Variants in LMO7 observed in about 807,000 individuals in gnomAD.
LMO7 encodes the protein LIM domain only protein 7.
In LMO7, 120 loss-of-function variants were observed where a neutral mutation model predicts 206.5. The observed-to-expected ratio is 0.58, with a 90% CI of 0.50 to 0.68. The LOEUF (loss-of-function observed/expected upper bound fraction) is 0.68. Among genes scored for constraint, LMO7 ranks in the 30% least tolerant of loss-of-function variants. The pLI, the probability that LMO7 is intolerant of heterozygous loss-of-function variation, is 0.00. For missense variants in LMO7, 1,959 were observed against 1,957.9 expected (o/e 1.00, Z -0.01); for synonymous variants, 706 against 681.5 (o/e 1.04, Z -0.56).
At chr13:75,644,710 C>G (rs1209431905) in intron 1 of LMO7, among the ~76,000 whole-genome samples, 1 of 152,098 alleles carries the variant, frequency 6.6e-6, no homozygotes, top group African/African-American at 2.4e-5. Context: ...CTCACTGCAG[C>G]CTTGAACTCC....
chr13:75,707,208 T>C lies in LMO7; in HGVS notation c.70-5974T>C, dbSNP rs377616931. 3.3e-5 allele frequency among the ~76,000 whole-genome samples: 5 copies of C among 151,814 alleles called. No individual in the cohort carries two copies. In the East Asian group the frequency reaches 9.6e-4, roughly 29 times the overall value. ...TAAAGAATATAAACAAAAGATAACATTAAAAATAAGTGTAATTCTACAACT... is the reference window on the plus strand; with the variant it reads ...TAAAGAATATAAACAAAAGATAACACTAAAAATAAGTGTAATTCTACAACT... On this transcript the variant is annotated intron_variant, in intron 1 of 30. Coordinates refer to ENST00000377534, the MANE Select transcript of LMO7 (RefSeq NM_001306080.2).
At chr13:75,722,849 A>G (rs1308642516) in intron 2 of LMO7, among the ~76,000 whole-genome samples, 1 of 152,216 alleles carries the variant, frequency 6.6e-6, no homozygotes, top group Admixed American at 6.5e-5. Context: ...CATAAAAAGG[A>G]ACGAAATGGC....
intron 3 of LMO7, among the ~76,000 whole-genome samples, chr13:75,753,540 C>T (rs1281170297): frequency 6.6e-6 from 1 of 152,052 alleles, no homozygotes; most frequent in Non-Finnish European, 1.5e-5. Context: ...ATTGTAGTTC[C>T]CATAATCCCC....
At chr13:75,628,027 C>T (rs1488446533) in intron 2 of LMO7, 1 of 152,032 alleles carries the variant, frequency 6.6e-6, no homozygotes, top group Admixed American at 6.5e-5. Context: ...CAACCAACTG[C>T]TTTTCAAATT....
At chr13:75,848,009 T>C (rs2060132864) in intron 26 of LMO7, among the ~76,000 whole-genome samples, 1 of 152,248 alleles carries the variant, frequency 6.6e-6, no homozygotes, top group Admixed American at 6.5e-5. Context: ...CTTTATTTAT[T>C]TGTTACATCA....
In LMO7 at chr13:75,752,713, G is replaced by A. The variant is rs114511359; in HGVS notation, c.211-8219G>A. On this transcript the variant is annotated intron_variant, in intron 3 of 30. Transcript: ENST00000377534. ...TGTCTTTCTGCATCTGAGTTGTTTCGCTTAAGATAATGGCCTCCAGTTCCA... is the reference window on the plus strand; with the variant it reads ...TGTCTTTCTGCATCTGAGTTGTTTCACTTAAGATAATGGCCTCCAGTTCCA... Among the ~76,000 whole-genome samples the A allele has an allele frequency of 9.3e-4, 141 of 152,210 alleles. 2 individuals are homozygous for A. The highest frequency in any genetic ancestry group is 2.8e-3 in the African/African-American group (117 of 41,510).
At chr13:75,632,862 G>GTTTTTTTTTTTTTTTTTT (rs10690832), upstream of LMO7, among the ~76,000 whole-genome samples, 257 of 102,138 alleles carry the variant, frequency 2.5e-3, 37 homozygotes, top group African/African-American at 7.6e-3. Flanking sequence ...TTACTTAAAA[G>GTTTTTTTTTTTTTTTTTT]TTTTTTTTTT....
chr13:75,638,382 T>C (rs2036184533), intron 1 of LMO7, among the ~76,000 whole-genome samples: 1 of 152,086 alleles, frequency 6.6e-6, no homozygotes, highest in Non-Finnish European at 1.5e-5. Flanking sequence ...GGGGGGAAAG[T>C]GTATTGTGAT....
chr13:75,686,313 A>G (rs935721860), intron 1 of LMO7, among the ~76,000 whole-genome samples: 5 of 152,130 alleles, frequency 3.3e-5, no homozygotes, highest in African/African-American at 1.2e-4. Context: ...GAAGAGAGAG[A>G]ACTCATGCAG....
intron 26 of LMO7, among the ~76,000 whole-genome samples, chr13:75,848,309 T>TA (rs2060155212): frequency 6.6e-6 from 1 of 152,232 alleles, no homozygotes; most frequent in African/African-American, 2.4e-5. Flanking sequence ...AGTGAGAACA[T>TA]ACGATGTTTG....
Position 75,664,346 on chromosome 13 carries a change from T to C in LMO7, c.69+27620T>C, listed in dbSNP as rs529731650. 3.3e-5 allele frequency among the ~76,000 whole-genome samples: 5 copies of C among 152,362 alleles called. No individual in the cohort carries two copies. The South Asian group carries it at 1.0e-3, about 32-fold the overall frequency. ...TGATCTCCAGTTCCATCCATGTTGT[T>C]TCAAATGACAGTGTCTTGTTCTTTT... is the stretch of plus-strand genomic sequence containing the variant. On this transcript the variant is annotated intron_variant, in intron 1 of 30. Coordinates refer to ENST00000377534, the MANE Select transcript of LMO7 (RefSeq NM_001306080.2).
At chr13:75,844,485 C>T (rs1326884448) in intron 25 of LMO7, among the ~76,000 whole-genome samples, 2 of 151,740 alleles carry the variant, frequency 1.3e-5, no homozygotes, top group Non-Finnish European at 1.5e-5. Flanking sequence ...TCTCAGCTCA[C>T]TGCAACCTCC....
In LMO7 at chr13:75,696,758, G is replaced by A. The variant is rs145744390; in HGVS notation, c.70-16424G>A. Among the ~76,000 whole-genome samples the A allele has an allele frequency of 2.5e-3, 386 of 152,172 alleles. 1 individual carries two copies. Among genetic ancestry groups the A allele is most frequent in the Non-Finnish European group, 4.4e-3 (301 of 68,020 alleles). On this transcript the variant is annotated intron_variant, in intron 1 of 30. Coordinates refer to ENST00000377534, the MANE Select transcript of LMO7 (RefSeq NM_001306080.2). The stretch of plus-strand genomic sequence containing the variant: ...TGTCCACAGGGCAGGCGTTATGCTG[G>A]GTCTTGAGGATACAAACAAAAAAGC...
At chr13:75,836,513 A>C (rs1296779148) in intron 19 of LMO7, 56 bp downstream of exon 19, 1 of 878,088 alleles carries the variant, frequency 1.1e-6, no homozygotes, top group Non-Finnish European at 1.7e-6. Context: ...ATAGCACTCA[A>C]GTTCTGCTGT....
chr13:75,852,378 C>G (rs2060568571), intron 27 of LMO7, among the ~76,000 whole-genome samples: 1 of 152,212 alleles, frequency 6.6e-6, no homozygotes, highest in Non-Finnish European at 1.5e-5. Flanking sequence ...AAAACTACCT[C>G]TCTGGCAGTC....
intron 1 of LMO7, among the ~76,000 whole-genome samples, chr13:75,673,514 A>G (rs2039763854): frequency 6.6e-6 from 1 of 152,134 alleles, no homozygotes; most frequent in African/African-American, 2.4e-5. Context: ...TCCAACAGCT[A>G]CCTTGCAACC....
At position 75,760,965 on chromosome 13, in the gene LMO7, C is replaced by A. The variant is rs1364913611; in HGVS notation, c.244C>A (p.Gln82Lys). 1 of 1,613,514 alleles carries A rather than the reference C, an allele frequency of 6.2e-7. No homozygotes were observed. The highest frequency in any genetic ancestry group is 1.7e-5 in the Admixed American group (1 of 59,876). The change falls in exon 4 of 31, where the codon CAG (glutamine) becomes AAG (lysine). Residue 82 changes from glutamine to lysine, a missense_variant. Physicochemically the swap from Gln to Lys is moderately conservative, Grantham distance 53 (BLOSUM62 1). Coordinates refer to ENST00000377534, the MANE Select transcript of LMO7 (RefSeq NM_001306080.2). ...AAACGTTTTCTTGAAAGCTTGTGAACAGATTGGATTGAAAGAAGCCCAGCT... is the reference window on the plus strand; with the variant it reads ...AAACGTTTTCTTGAAAGCTTGTGAAAAGATTGGATTGAAAGAAGCCCAGCT... ...NINVFLKACE[Q>K]IGLKEAQLFH...
intron 3 of LMO7, among the ~76,000 whole-genome samples, chr13:75,758,646 C>G (rs957032561): frequency 2.6e-5 from 4 of 152,108 alleles, no homozygotes; most frequent in African/African-American, 9.7e-5. Flanking sequence ...AGTTCTTTCT[C>G]TCTACTTTGG....
Position 75,736,199 on chromosome 13 carries a change from G to A in LMO7, c.210+9101G>A, listed in dbSNP as rs113424136. ...ATCTTTAGAAATTAAAGTGAACTGT[G>A]TTTCCGGTATATTAAATAGGAATAT... On this transcript the variant is annotated intron_variant, in intron 3 of 30. Coordinates refer to ENST00000377534, the MANE Select transcript of LMO7 (RefSeq NM_001306080.2). Among the ~76,000 whole-genome samples, 413 of 152,314 alleles carry A rather than the reference G, an allele frequency of 2.7e-3. 3 individuals carry two copies. Among genetic ancestry groups the A allele is most frequent in the African/African-American group, 9.7e-3 (404 of 41,564 alleles).
Sources: allele counts gnomAD v4.1 joint callset (sites outside exome capture counted in the v4.1 genomes callset), GRCh38; gene constraint gnomAD v4.1.1; transcripts MANE v1.5; gene names NCBI Gene and HGNC (gene_info 2026-07-23, HGNC 2026-07-21).